Variants in ZNF407 observed in about 807,000 individuals in gnomAD.
ZNF407 encodes zinc finger protein 407.
Under a neutral mutation model 131.2 loss-of-function variants are expected in ZNF407, and 17 were observed. The observed-to-expected ratio is 0.13, with a 90% CI of 0.09 to 0.19. The LOEUF is 0.19. Ranked by LOEUF, ZNF407 falls within the 10% of genes least tolerant of loss-of-function variation. The probability of loss-of-function intolerance (pLI) is 1.00; values close to 1 mark genes in which losing one functional copy is unlikely to be tolerated. For synonymous variants in ZNF407, 1,156 were observed against 1,062.0 expected (o/e 1.09, Z -1.72); for missense variants, 2,681 against 2,830.6 (o/e 0.95, Z 1.20).
At chr18:74,736,033 C>T (rs1968403645) in intron 3 of ZNF407, among the ~76,000 whole-genome samples, 1 of 152,204 alleles carries the variant, frequency 6.6e-6, no homozygotes, top group Non-Finnish European at 1.5e-5. Context: ...AGGAAAAGGT[C>T]ACTCTCATTT....
chr18:74,628,852 T>G (rs954718044), intron 1 of ZNF407, among the ~76,000 whole-genome samples: 1 of 152,194 alleles, frequency 6.6e-6, no homozygotes, highest in Non-Finnish European at 1.5e-5. Flanking sequence ...AGCATTGGGA[T>G]TGTAGGCATG....
intron 6 of ZNF407, among the ~76,000 whole-genome samples, chr18:74,884,016 T>C (rs2145189040): frequency 6.6e-6 from 1 of 152,322 alleles, no homozygotes; most frequent in South Asian, 2.1e-4. Context: ...ATATCTTACT[T>C]AGATTTATGC....
intron 4 of ZNF407, among the ~76,000 whole-genome samples, chr18:74,828,035 G>A (rs17055701): frequency 4.6e-5 from 7 of 152,166 alleles, no homozygotes; most frequent in Middle Eastern, 3.4e-3. Context: ...CTACTCAGGT[G>A]CTCCCTTCTC....
At chr18:74,746,538 T>A (rs1677402180) in intron 3 of ZNF407, among the ~76,000 whole-genome samples, 1 of 152,176 alleles carries the variant, frequency 6.6e-6, no homozygotes, top group Non-Finnish European at 1.5e-5. Flanking sequence ...ATTCTTATTT[T>A]TTCTATCCTA....
At chr18:74,740,304 A>G (rs2144917934) in intron 3 of ZNF407, among the ~76,000 whole-genome samples, 1 of 152,226 alleles carries the variant, frequency 6.6e-6, no homozygotes, top group Non-Finnish European at 1.5e-5. Context: ...GACTCTTATG[A>G]CTGCATTTAT....
rs569151238 is a variant in ZNF407, at chr18:74,863,173, G to A, written c.4878-14024G>A. 1.5e-4 allele frequency among the ~76,000 whole-genome samples: 23 copies of A among 151,398 alleles called. 2 individuals are homozygous for A. The South Asian group carries it at 3.8e-3, about 25-fold the overall frequency. ...TGTCCTCAGGTGATCCTCCCACCTC[G>A]GCCTCCCAAATTGCTGGGATTACAG... is the stretch of plus-strand genomic sequence containing the variant. On this transcript the variant is annotated intron_variant, in intron 4 of 8. Coordinates refer to ENST00000299687, the MANE Select transcript of ZNF407 (RefSeq NM_017757.3).
At chr18:74,891,699 A>G (rs1971387330) in intron 7 of ZNF407, among the ~76,000 whole-genome samples, 1 of 152,220 alleles carries the variant, frequency 6.6e-6, no homozygotes, top group African/African-American at 2.4e-5. Context: ...TTCTTTAAAA[A>G]ACAAACATTA....
At chr18:74,799,785 C>T (rs17055632) in intron 4 of ZNF407, among the ~76,000 whole-genome samples, 3,073 of 151,798 alleles carry the variant, frequency 0.02, 89 homozygotes, top group African/African-American at 0.069. Flanking sequence ...CACCTGTATC[C>T]TACAAGTAGC....
chr18:74,881,122 C>A lies in ZNF407; in HGVS notation c.5128+3C>A. 1 of 1,567,506 alleles carries A rather than the reference C, an allele frequency of 6.4e-7. No homozygotes were observed. Among genetic ancestry groups the A allele is most frequent in the Non-Finnish European group, 8.6e-7 (1 of 1,157,044 alleles). ...CAAGCATCGCAGACAGCACACAGGT[C>A]AGTTCCGATGCTGCACTGGCCCCTT... On this transcript the variant is annotated splice_donor_region_variant and intron_variant, in intron 6 of 8. Coordinates refer to ENST00000299687, the MANE Select transcript of ZNF407 (RefSeq NM_017757.3).
intron 8 of ZNF407, among the ~76,000 whole-genome samples, chr18:74,982,124 T>C (rs1267059140): frequency 6.6e-6 from 1 of 152,234 alleles, no homozygotes; most frequent in East Asian, 1.9e-4. Context: ...AGGAGTAGTA[T>C]TGAAAACATG....
chr18:74,833,563 A>C (rs1970514231), intron 4 of ZNF407, among the ~76,000 whole-genome samples: 1 of 152,164 alleles, frequency 6.6e-6, no homozygotes, highest in Non-Finnish European at 1.5e-5. Context: ...AGTTCCAGGC[A>C]CAGAAAGCAG....
intron 8 of ZNF407, among the ~76,000 whole-genome samples, chr18:75,056,152 C>T (rs1372906952): frequency 1.3e-5 from 2 of 152,202 alleles, no homozygotes; most frequent in Non-Finnish European, 2.9e-5. Flanking sequence ...TAGGCCAGCT[C>T]CTGTCAGCTG....
chr18:74,667,820 C>T (rs1232265143), intron 3 of ZNF407, among the ~76,000 whole-genome samples: 3 of 152,192 alleles, frequency 2.0e-5, no homozygotes, highest in South Asian at 2.1e-4. Flanking sequence ...AGTACACATA[C>T]ATCTGAAGGG....
At chr18:74,877,049 G>A in intron 4 of ZNF407, 148 bp from the exon 5 acceptor site, 1 of 666,408 alleles carries the variant, frequency 1.5e-6, no homozygotes. Flanking sequence ...TCAATGCCTG[G>A]TTATACAGAC....
At chr18:74,946,559 T>C (rs1286151507) in intron 8 of ZNF407, among the ~76,000 whole-genome samples, 2 of 152,260 alleles carry the variant, frequency 1.3e-5, no homozygotes, top group Non-Finnish European at 2.9e-5. Context: ...GTCTGTTTAC[T>C]TTGTGCATGT....
At position 74,634,210 on chromosome 18, in the gene ZNF407, A is replaced by G; in HGVS notation, c.3191A>G (p.His1064Arg). The change falls in exon 2 of 9, where the codon CAT becomes CGT. Residue 1064 changes from histidine to arginine, a missense_variant. By Grantham distance (29) the His-to-Arg change is conservative (BLOSUM62 0). Coordinates refer to ENST00000299687, the MANE Select transcript of ZNF407 (RefSeq NM_017757.3). ...GTGACTCGTCGCGAGATGACCAGGC[A>G]TGCAGCAACAGAGAAGCACAAAATG... Reference protein sequence around the residue: ...YAVTRREMTRHAATEKHKMKR... With the variant: ...YAVTRREMTRRAATEKHKMKR... The G allele has an allele frequency of 1.2e-6, 2 of 1,614,062 alleles. No individual in the cohort carries two copies. Among genetic ancestry groups the G allele is most frequent in the Non-Finnish European group, 1.7e-6 (2 of 1,179,900 alleles).
intron 3 of ZNF407, among the ~76,000 whole-genome samples, chr18:74,702,048 G>A (rs118028779): frequency 1.3e-5 from 2 of 152,214 alleles, no homozygotes; most frequent in Non-Finnish European, 2.9e-5. Context: ...TATCTATAAC[G>A]GAGACATGCC....
At chr18:74,690,962 A>G (rs539476244) in intron 3 of ZNF407, among the ~76,000 whole-genome samples, 204 of 152,328 alleles carry the variant, frequency 1.3e-3, no homozygotes, top group Non-Finnish European at 2.4e-3. Context: ...CGTATGCTTC[A>G]AAAGAAGCTG....
intron 4 of ZNF407, among the ~76,000 whole-genome samples, chr18:74,793,252 T>G (rs141676911): frequency 6.6e-6 from 1 of 152,180 alleles, no homozygotes; most frequent in Non-Finnish European, 1.5e-5. Context: ...ATAACAAATA[T>G]TTTGGATATA....
Sources: gnomAD v4.1 joint callset for allele counts (sites outside exome capture counted in the v4.1 genomes callset) on GRCh38, gnomAD v4.1.1 for gene constraint, MANE v1.5 for transcripts, NCBI Gene and HGNC (gene_info 2026-07-23, HGNC 2026-07-21) for gene names.